PACRG: variants seen among roughly 807,000 people sequenced by gnomAD.
PACRG encodes the protein parkin coregulated gene protein.
A neutral mutation model predicts 29.7 loss-of-function variants in PACRG; 29 were observed. That is an observed-to-expected ratio of 0.98 (90% CI 0.73 to 1.33). PACRG has a LOEUF of 1.33. Ranked by LOEUF, PACRG falls within the 40% of genes most tolerant of loss-of-function variation. The pLI, the probability that PACRG is intolerant of heterozygous loss-of-function variation, is 0.00. For missense variants in PACRG, 279 were observed against 316.2 expected, an observed-to-expected ratio of 0.88 and a Z score of 0.89; for synonymous variants, 116 against 118.7, an observed-to-expected ratio of 0.98 and a Z score of 0.15.
chr6:162,851,737 T>A (rs9356069), intron 2 of PACRG, among the ~76,000 whole-genome samples: 9,835 of 152,084 alleles, frequency 0.065, 455 homozygotes, highest in East Asian at 0.26. Flanking sequence ...TTCTGAAAAT[T>A]ATTATTGATT....
chr6:163,008,231 T>G (rs1420186161), intron 2 of PACRG, among the ~76,000 whole-genome samples: 1 of 152,130 alleles, frequency 6.6e-6, no homozygotes, highest in African/African-American at 2.4e-5. Flanking sequence ...CAAGGGAGTA[T>G]TGCTCAGGCC....
intron 2 of PACRG, among the ~76,000 whole-genome samples, chr6:163,042,365 G>C (rs2181636): frequency 0.38 from 57,865 of 151,944 alleles, 12,222 homozygotes; most frequent in East Asian, 0.68. Flanking sequence ...AGTCATGGAG[G>C]AGTCAGGGTT....
Position 162,918,729 on chromosome 6 carries a change from A to G in PACRG, c.291+104448A>G, listed in dbSNP as rs558603053. Among the ~76,000 whole-genome samples, 52 of 152,318 alleles carry G rather than the reference A, an allele frequency of 3.4e-4. 1 individual carries two copies. In the South Asian group the frequency reaches 0.011, roughly 31 times the overall value. On this transcript the variant is annotated intron_variant, in intron 2 of 4. Transcript: ENST00000366888. ...GAATATAATACAAAATGTTCAGTTGATTAATTTGGAAAAGTATGCCACCCC... is the reference window on the plus strand; with the variant it reads ...GAATATAATACAAAATGTTCAGTTGGTTAATTTGGAAAAGTATGCCACCCC...
chr6:163,228,970 A>C (rs777614923), intron 4 of PACRG, among the ~76,000 whole-genome samples: 7 of 152,232 alleles, frequency 4.6e-5, no homozygotes, highest in Non-Finnish European at 8.8e-5. Context: ...GGGAAGTCTA[A>C]TTCTGAGAAA....
intron 1 of PACRG, among the ~76,000 whole-genome samples, chr6:162,799,362 C>A (rs1264658875): frequency 6.6e-6 from 1 of 152,146 alleles, no homozygotes; most frequent in African/African-American, 2.4e-5. Flanking sequence ...ATATTTCTTT[C>A]ATGGTCGAAT....
chr6:162,821,356 C>T (rs561577181), intron 2 of PACRG, among the ~76,000 whole-genome samples: 22 of 152,180 alleles, frequency 1.4e-4, no homozygotes, highest in African/African-American at 5.1e-4. Flanking sequence ...AAAGAAAGGT[C>T]GACTGCTGCT....
intron 4 of PACRG, among the ~76,000 whole-genome samples, chr6:163,232,295 C>A (rs1400876432): frequency 6.6e-6 from 1 of 152,190 alleles, no homozygotes; most frequent in Admixed American, 6.5e-5. Flanking sequence ...CCCGCTGGGG[C>A]CTGGCTACTC....
At chr6:162,898,896 G>A (rs1795354587) in intron 2 of PACRG, among the ~76,000 whole-genome samples, 1 of 152,132 alleles carries the variant, frequency 6.6e-6, no homozygotes, top group Non-Finnish European at 1.5e-5. Context: ...AATATTACAG[G>A]GAAAATAGAA....
chr6:162,894,948 G>A (rs773275176), intron 2 of PACRG, among the ~76,000 whole-genome samples: 2 of 152,026 alleles, frequency 1.3e-5, no homozygotes, highest in African/African-American at 2.4e-5. Flanking sequence ...AGATTATAAT[G>A]CTGACAAAAA....
intron 2 of PACRG, among the ~76,000 whole-genome samples, chr6:163,012,239 G>A (rs1003926085): frequency 6.6e-6 from 1 of 152,090 alleles, no homozygotes; most frequent in South Asian, 2.1e-4. Flanking sequence ...TTTTTCAATA[G>A]CCAAAACAGA....
intron 2 of PACRG, among the ~76,000 whole-genome samples, chr6:162,855,758 T>G (rs2128433480): frequency 1.3e-5 from 2 of 152,290 alleles, no homozygotes; most frequent in Middle Eastern, 3.4e-3. Flanking sequence ...CTGGGACGTT[T>G]AGTCATGTTT....
At chr6:163,132,141 C>T (rs916900645) in intron 4 of PACRG, among the ~76,000 whole-genome samples, 39 of 152,066 alleles carry the variant, frequency 2.6e-4, no homozygotes, top group Non-Finnish European at 4.1e-4. Context: ...ATCTGTGGAT[C>T]TGAAAATAAG....
intron 4 of PACRG, among the ~76,000 whole-genome samples, chr6:163,123,842 G>A (rs1209397779): frequency 6.6e-6 from 1 of 152,112 alleles, no homozygotes; most frequent in Non-Finnish European, 1.5e-5. Flanking sequence ...TCTTTTTAAA[G>A]CCAGGATAGT....
intron 1 of PACRG, among the ~76,000 whole-genome samples, chr6:162,811,533 G>A (rs1386372425): frequency 6.6e-6 from 1 of 152,000 alleles, no homozygotes; most frequent in South Asian, 2.1e-4. Context: ...AAAAATCACA[G>A]AAGCATATTG....
chr6:163,242,125 A>C (rs898224841), intron 4 of PACRG, among the ~76,000 whole-genome samples: 1 of 152,232 alleles, frequency 6.6e-6, no homozygotes, highest in Non-Finnish European at 1.5e-5. Context: ...TCCATGCAAC[A>C]AAAAACTTGG....
intron 4 of PACRG, among the ~76,000 whole-genome samples, chr6:163,169,302 A>C (rs1178109772): frequency 6.6e-6 from 1 of 152,200 alleles, no homozygotes; most frequent in Non-Finnish European, 1.5e-5. Context: ...CTGAGAAGGA[A>C]AGAGAGCACC....
chr6:163,047,515 C>T (rs895181962), intron 2 of PACRG, among the ~76,000 whole-genome samples: 2 of 152,166 alleles, frequency 1.3e-5, no homozygotes, highest in South Asian at 4.1e-4. Flanking sequence ...CATTCTTTGA[C>T]TGTTACCGTC....
At position 162,892,569 on chromosome 6, in the gene PACRG, G is replaced by A. The variant is rs149113558; in HGVS notation, c.291+78288G>A. On this transcript the variant is annotated intron_variant, in intron 2 of 4. Transcript: ENST00000366888. Reference sequence around the variant, plus strand: ...GTTAGTGCACCCCCGTGAGCCCAGCGCGTTCTAGTCTAATTCTGATGCGAC... The same window carrying A: ...GTTAGTGCACCCCCGTGAGCCCAGCACGTTCTAGTCTAATTCTGATGCGAC... 3.1e-3 allele frequency among the ~76,000 whole-genome samples: 466 copies of A among 152,196 alleles called. 1 individual carries two copies. Among genetic ancestry groups the A allele is most frequent in the African/African-American group, 0.01 (423 of 41,506 alleles).
intron 2 of PACRG, among the ~76,000 whole-genome samples, chr6:162,850,419 T>C (rs184317729): frequency 2.7e-4 from 41 of 152,290 alleles, no homozygotes; most frequent in African/African-American, 9.6e-4. Context: ...ATGGCAGAGG[T>C]AGCTTCAGAA....
Sources: allele counts gnomAD v4.1 joint callset (sites outside exome capture counted in the v4.1 genomes callset), GRCh38; gene constraint gnomAD v4.1.1; transcripts MANE v1.5; gene names NCBI Gene and HGNC (gene_info 2026-07-23, HGNC 2026-07-21).